The following DENND1A variants were observed in gnomAD, a reference collection of about 807,000 sequenced individuals.
The protein encoded by DENND1A is DENN domain containing 1A, also known as DENN domain-containing protein 1A.
A neutral mutation model predicts 113.7 loss-of-function variants in DENND1A; 51 were observed. The observed-to-expected ratio is 0.45, with a 90% confidence interval of 0.36 to 0.57. The LOEUF (loss-of-function observed/expected upper bound fraction) is 0.57, where lower values mean the gene tolerates loss of function less well. Among genes scored for constraint, DENND1A ranks in the 20% least tolerant of loss-of-function variants. The pLI is 0.00. For missense variants in DENND1A, 1,258 were observed against 1,395.9 expected, an observed-to-expected ratio of 0.90 and a Z score of 1.57; for synonymous variants, 565 against 570.8, an observed-to-expected ratio of 0.99 and a Z score of 0.14.
chr9:123,829,117 G>T (rs1300835623), intron 2 of DENND1A, among the ~76,000 whole-genome samples: 1 of 152,102 alleles, frequency 6.6e-6, no homozygotes, highest in African/African-American at 2.4e-5. Flanking sequence ...CCTCCTAAAG[G>T]TTCAGAAAAA....
intron 13 of DENND1A, among the ~76,000 whole-genome samples, chr9:123,492,422 G>A (rs944557592): frequency 3.3e-5 from 5 of 152,212 alleles, no homozygotes; most frequent in African/African-American, 9.6e-5. Context: ...GGTGGGAACA[G>A]CCCAAGGCAC....
At chr9:123,853,560 A>G (rs1472119062) in intron 2 of DENND1A, among the ~76,000 whole-genome samples, 1 of 152,092 alleles carries the variant, frequency 6.6e-6, no homozygotes, top group Non-Finnish European at 1.5e-5. Context: ...GCTACATGGG[A>G]GGCTGAGGCA....
chr9:123,833,122 CAAAAAAAAAAAAAAA>C (rs1163844269), intron 2 of DENND1A, among the ~76,000 whole-genome samples: 2 of 27,568 alleles, frequency 7.3e-5, no homozygotes, highest in Admixed American at 1.0e-3. Flanking sequence ...GACCTCATCT[CAAAAAAAAAAAAAAA>C]AAAAAAAAAA....
chr9:123,859,279 T>C (rs1844723369), intron 2 of DENND1A, among the ~76,000 whole-genome samples: 1 of 152,144 alleles, frequency 6.6e-6, no homozygotes, highest in Non-Finnish European at 1.5e-5. Flanking sequence ...AATCTATCTA[T>C]ATCCATGAAC....
At position 123,597,828 on chromosome 9, in the gene DENND1A, A is replaced by G. The variant is rs186206809; in HGVS notation, c.765+11608T>C. Among the ~76,000 whole-genome samples the G allele has an allele frequency of 2.8e-4, 42 of 152,212 alleles. 2 individuals are homozygous for G. The highest frequency in any genetic ancestry group is 2.3e-3 in the Admixed American group (35 of 15,296). On this transcript the variant is annotated intron_variant, in intron 11 of 23. Transcript: ENST00000394215. ...TGAGGATGACGTCCTATGAACCCCA[A>G]CTTCCCAATCTGAGGCTTCATTAAT... is the stretch of plus-strand genomic sequence containing the variant.
At position 123,675,551 on chromosome 9, in the gene DENND1A, T is replaced by C. The variant is rs182716685; in HGVS notation, c.372+1169A>G. Among the ~76,000 whole-genome samples the C allele has an allele frequency of 4.5e-4, 69 of 152,328 alleles. 1 individual carries two copies. In the East Asian group the frequency reaches 9.8e-3, roughly 22 times the overall value. On this transcript the variant is annotated intron_variant, in intron 6 of 23. Coordinates refer to ENST00000394215, the MANE Select transcript of DENND1A (RefSeq NM_001352964.2). ...ACAGAAAAAAATTAAGGGAAATTTTTCCTTAACGTTTAATAATAATGGATC... is the reference window on the plus strand; with the variant it reads ...ACAGAAAAAAATTAAGGGAAATTTTCCCTTAACGTTTAATAATAATGGATC...
At chr9:123,921,858 G>A (rs1012713923) in intron 1 of DENND1A, among the ~76,000 whole-genome samples, 7 of 151,306 alleles carry the variant, frequency 4.6e-5, no homozygotes, top group Middle Eastern at 3.5e-3. Context: ...TGCCTCTTAC[G>A]TGTAATTTGT....
intron 10 of DENND1A, among the ~76,000 whole-genome samples, chr9:123,616,296 C>T (rs1311858785): frequency 6.6e-6 from 1 of 152,220 alleles, no homozygotes; most frequent in Non-Finnish European, 1.5e-5. Context: ...ATGGTGATCC[C>T]AGCCCAAATC....
intron 19 of DENND1A, chr9:123,414,050 G>T: frequency 3.0e-6 from 3 of 993,406 alleles, no homozygotes; most frequent in Non-Finnish European, 3.6e-6. Context: ...TCTGGCTTGG[G>T]CTATTTCCAT....
In DENND1A at chr9:123,495,141, TTC is replaced by T. The variant is rs56390148; in HGVS notation, c.994-37246_994-37245del. Among the ~76,000 whole-genome samples, 151 of 140,644 alleles carry T rather than the reference TTC, an allele frequency of 1.1e-3. 1 individual carries two copies. The highest frequency in any genetic ancestry group is 3.9e-3 in the African/African-American group (140 of 35,500). 92.3% of individuals were successfully genotyped at this position (140,644 alleles called of 152,430 possible). ...TCTATTATGACCCATCATTGTCTCT[TTC>T]TCTCTCTCTCTCTCTCTCTCTCTCT... is the stretch of plus-strand genomic sequence containing the variant. On this transcript the variant is annotated intron_variant, in intron 13 of 23. Transcript: ENST00000394215.
chr9:123,902,362 T>G (rs1320258703), intron 1 of DENND1A, among the ~76,000 whole-genome samples: 1 of 152,184 alleles, frequency 6.6e-6, no homozygotes, highest in Non-Finnish European at 1.5e-5. Flanking sequence ...ACTCTAGAAA[T>G]TTCAGCTTAT....
At chr9:123,609,917 G>A (rs529106159) in intron 10 of DENND1A, among the ~76,000 whole-genome samples, 1 of 152,340 alleles carries the variant, frequency 6.6e-6, no homozygotes, top group South Asian at 2.1e-4. Flanking sequence ...GTTGGATGAA[G>A]GGCATAATGT....
rs138110304 is a variant in DENND1A, at chr9:123,438,272, G to A, written c.1488+2088C>T. On this transcript the variant is annotated intron_variant, in intron 19 of 23. Transcript: ENST00000394215. Reference sequence around the variant, plus strand: ...AAGCTGGAAAGAGTTAAAAGAAAGGGGTCTGTGGTTTCCCTGGCTCAAGCC... The same window carrying A: ...AAGCTGGAAAGAGTTAAAAGAAAGGAGTCTGTGGTTTCCCTGGCTCAAGCC... Among the ~76,000 whole-genome samples the A allele has an allele frequency of 2.1e-3, 314 of 152,230 alleles. 1 individual carries two copies. Among genetic ancestry groups the A allele is most frequent in the African/African-American group, 7.1e-3 (295 of 41,530 alleles).
intron 21 of DENND1A, among the ~76,000 whole-genome samples, chr9:123,388,978 C>T (rs989455433): frequency 2.6e-5 from 4 of 152,218 alleles, no homozygotes; most frequent in South Asian, 2.1e-4. Flanking sequence ...CGGGGGCTGG[C>T]ATGGGCTACC....
intron 13 of DENND1A, among the ~76,000 whole-genome samples, chr9:123,519,056 C>T (rs150914490): frequency 1.6e-4 from 24 of 152,328 alleles, no homozygotes; most frequent in East Asian, 9.6e-4. Context: ...TCCTAGGGGC[C>T]GTGTTGCCTC....
At chr9:123,396,365 G>A (rs10217135) in intron 21 of DENND1A, among the ~76,000 whole-genome samples, 13,791 of 152,316 alleles carry the variant, frequency 0.091, 668 homozygotes, top group Middle Eastern at 0.17. Flanking sequence ...CAAATGATGG[G>A]CCCACGCCCC....
intron 13 of DENND1A, among the ~76,000 whole-genome samples, chr9:123,476,803 C>T (rs537340395): frequency 4.6e-5 from 7 of 152,246 alleles, no homozygotes; most frequent in African/African-American, 1.7e-4. Context: ...TTGCTGTGTC[C>T]ACTTTACAAT....
At chr9:123,594,679 T>C (rs983169863) in intron 11 of DENND1A, among the ~76,000 whole-genome samples, 2 of 151,984 alleles carry the variant, frequency 1.3e-5, no homozygotes, top group Non-Finnish European at 2.9e-5. Context: ...GAGGAAACAA[T>C]GCTAGAGATT....
intron 5 of DENND1A, among the ~76,000 whole-genome samples, chr9:123,722,279 A>T (rs1455817508): frequency 1.3e-5 from 2 of 152,238 alleles, no homozygotes; most frequent in Non-Finnish European, 2.9e-5. Context: ...TCAAGAGGTG[A>T]CTTGGGTGCT....
Sources: gnomAD v4.1 joint callset for allele counts (sites outside exome capture counted in the v4.1 genomes callset) on GRCh38, gnomAD v4.1.1 for gene constraint, MANE v1.5 for transcripts, NCBI Gene and HGNC (gene_info 2026-07-23, HGNC 2026-07-21) for gene names.